SCCPDH: variants seen among roughly 807,000 people sequenced by gnomAD.
The protein encoded by SCCPDH is saccharopine dehydrogenase-like oxidoreductase.
In SCCPDH, 34 loss-of-function variants were observed where a neutral mutation model predicts 51.5. That is an observed-to-expected ratio of 0.66 (90% CI 0.50 to 0.88). The LOEUF (loss-of-function observed/expected upper bound fraction) is 0.88. SCCPDH is among the 40% of genes least tolerant of loss of function. SCCPDH has a pLI of 0.00. For synonymous variants in SCCPDH, 187 were observed against 191.3 expected, an observed-to-expected ratio of 0.98 and a Z score of 0.19; for missense variants, 464 against 527.1, an observed-to-expected ratio of 0.88 and a Z score of 1.17.
At chr1:246,731,127 G>T (rs1668484466) in intron 2 of SCCPDH, among the ~76,000 whole-genome samples, 1 of 152,134 alleles carries the variant, frequency 6.6e-6, no homozygotes, top group South Asian at 2.1e-4. Flanking sequence ...GAGCCAATTG[G>T]CCTCACAGGG....
chr1:246,735,008 A>G (rs886256061), intron 2 of SCCPDH, among the ~76,000 whole-genome samples: 1 of 152,100 alleles, frequency 6.6e-6, no homozygotes, highest in Non-Finnish European at 1.5e-5. Flanking sequence ...TTTAATTTTG[A>G]CCAATAATAC....
chr1:246,742,713 A>G (rs1306599491), intron 4 of SCCPDH, among the ~76,000 whole-genome samples: 1 of 152,162 alleles, frequency 6.6e-6, no homozygotes, highest in Non-Finnish European at 1.5e-5. Flanking sequence ...GTAAGGCCCC[A>G]TGTTTTAATT....
chr1:246,727,122 T>C, intron 2 of SCCPDH, 118 bp downstream of exon 2: 1 of 777,538 alleles, frequency 1.3e-6, no homozygotes. Flanking sequence ...TAACCCCATA[T>C]GGGGAGTTTT....
chr1:246,733,042 A>G (rs1161840743), intron 2 of SCCPDH, among the ~76,000 whole-genome samples: 1 of 152,188 alleles, frequency 6.6e-6, no homozygotes, highest in Non-Finnish European at 1.5e-5. Context: ...GAAAGATGTT[A>G]GAAGTGGGAC....
intron 2 of SCCPDH, among the ~76,000 whole-genome samples, chr1:246,735,274 C>G (rs1668548519): frequency 6.6e-6 from 1 of 152,210 alleles, no homozygotes; most frequent in Non-Finnish European, 1.5e-5. Flanking sequence ...ACTTCCTACT[C>G]AAGTGAATTT....
intron 2 of SCCPDH, among the ~76,000 whole-genome samples, chr1:246,732,731 A>G (rs1471955548): frequency 1.3e-5 from 2 of 152,178 alleles, no homozygotes; most frequent in Non-Finnish European, 2.9e-5. Flanking sequence ...GAGTAATGCC[A>G]TTAAATAAAA....
At chr1:246,759,193 A>C (rs1386360493) in intron 7 of SCCPDH, 42 bp downstream of exon 7, 1 of 1,063,948 alleles carries the variant, frequency 9.4e-7, no homozygotes, top group Non-Finnish European at 1.5e-6. Flanking sequence ...TGTGTGTTAC[A>C]GTTCCTCTTT....
At chr1:246,730,332 A>C (rs1288095622) in intron 2 of SCCPDH, among the ~76,000 whole-genome samples, 1 of 152,148 alleles carries the variant, frequency 6.6e-6, no homozygotes, top group Non-Finnish European at 1.5e-5. Context: ...ATCTTCTCGT[A>C]GTTTTCCTCC....
In SCCPDH at chr1:246,767,862, G is replaced by A. The variant is rs1280024755; in HGVS notation, c.*562G>A. 1 of 152,228 alleles carries A rather than the reference G, an allele frequency of 6.6e-6. No homozygotes were observed. Among genetic ancestry groups the A allele is most frequent in the Admixed American group, 6.5e-5 (1 of 15,294 alleles). The allele number at this position is 152,228 out of a possible 1,614,324, so 9.4% of individuals were successfully genotyped here. On this transcript the variant is annotated 3_prime_UTR_variant, in exon 12 of 12. Coordinates refer to ENST00000366510, the MANE Select transcript of SCCPDH (RefSeq NM_016002.3). ...TGGTTTAATGTTTGGACCTGCCGAT[G>A]TATTTGTATAGTGGTAGAAACATGC...
chr1:246,764,616 A>G (rs563364834), intron 10 of SCCPDH, among the ~76,000 whole-genome samples: 1 of 152,366 alleles, frequency 6.6e-6, no homozygotes, highest in African/African-American at 2.4e-5. Context: ...TAGTATTAAT[A>G]GGAAAAGGGA....
At chr1:246,728,894 A>G (rs1341479371) in intron 2 of SCCPDH, among the ~76,000 whole-genome samples, 1 of 152,160 alleles carries the variant, frequency 6.6e-6, no homozygotes, top group Non-Finnish European at 1.5e-5. Flanking sequence ...AGCCCCCAGT[A>G]TTTCAACATA....
At chr1:246,732,523 A>G (rs933916205) in intron 2 of SCCPDH, among the ~76,000 whole-genome samples, 2 of 151,964 alleles carry the variant, frequency 1.3e-5, no homozygotes, top group Non-Finnish European at 2.9e-5. Context: ...GAGTAGCTGG[A>G]ACTACAGGCT....
chr1:246,767,249 A>G lies in SCCPDH; in HGVS notation c.1239A>G (p.Arg413=), dbSNP rs1669098707. Residue 413 remains arginine (R), a synonymous_variant, in exon 12 of 12, where the codon AGA becomes AGG. Transcript: ENST00000366510. ...AAFSKTKLID[R]LNKHGIEFSV... ...TTTCCAAAACAAAGTTGATTGACAG[A>G]CTCAACAAACACGGTATTGAGTTTA... 1 of 1,611,480 alleles carries G rather than the reference A, an allele frequency of 6.2e-7. No individual in the cohort carries two copies. The highest frequency in any genetic ancestry group is 1.1e-5 in the South Asian group (1 of 90,784).
At chr1:246,740,409 T>C (rs1668659585) in intron 4 of SCCPDH, 108 bp downstream of exon 4, 1 of 909,986 alleles carries the variant, frequency 1.1e-6, no homozygotes, top group Non-Finnish European at 1.6e-6. Context: ...AACATAGCCA[T>C]AAATGGGTAA....
chr1:246,736,394 TC>T (rs928377314), intron 3 of SCCPDH, among the ~76,000 whole-genome samples: 21 of 152,134 alleles, frequency 1.4e-4, no homozygotes, highest in African/African-American at 5.1e-4. Context: ...CATTTTGAAT[TC>T]CCTTTTAAAA....
rs143004003 is a variant in SCCPDH at position 246,744,089 on chromosome 1, T to C, written c.528T>C (p.Ala176=). ...CTACTCTTTTAGGTACTTTGACTGC[T>C]GTGGAAAGTTTCCTGACTATACATT... is the stretch of plus-strand genomic sequence containing the variant. ...TRNKMNGTLT[A]VESFLTIHSG... Residue 176 remains alanine (A), a synonymous_variant, in exon 5 of 12, where the codon GCT becomes GCC. Coordinates refer to ENST00000366510, the MANE Select transcript of SCCPDH (RefSeq NM_016002.3). The C allele has an allele frequency of 3.1e-6, 5 of 1,600,902 alleles. No homozygotes were observed. Among genetic ancestry groups the C allele is most frequent in the Non-Finnish European group, 4.3e-6 (5 of 1,169,890 alleles).
rs544693208 is a variant in SCCPDH at position 246,740,858 on chromosome 1, A to G, written c.514+557A>G. Among the ~76,000 whole-genome samples the G allele has an allele frequency of 2.0e-5, 3 of 152,258 alleles. No individual in the cohort carries two copies. The East Asian group carries it at 5.8e-4, about 29-fold the overall frequency. ...CTACTTGGGAGGTTGAGGCAGCAGGATCTCTCGAGGCCAAGAGTTCAGGAC... is the reference window on the plus strand; with the variant it reads ...CTACTTGGGAGGTTGAGGCAGCAGGGTCTCTCGAGGCCAAGAGTTCAGGAC... On this transcript the variant is annotated intron_variant, in intron 4 of 11. Coordinates refer to ENST00000366510, the MANE Select transcript of SCCPDH (RefSeq NM_016002.3).
At chr1:246,748,399 T>G (rs1444004503) in intron 5 of SCCPDH, among the ~76,000 whole-genome samples, 1 of 152,236 alleles carries the variant, frequency 6.6e-6, no homozygotes, top group African/African-American at 2.4e-5. Context: ...GCGCTCGTTG[T>G]GCTCCCAGTG....
At chr1:246,724,956 A>T (rs1159203539) in intron 1 of SCCPDH, among the ~76,000 whole-genome samples, 3 of 152,058 alleles carry the variant, frequency 2.0e-5, no homozygotes. Context: ...CCTGCCCCGC[A>T]GCGGGGGCAC....
Sources: gnomAD v4.1 joint callset for allele counts (sites outside exome capture counted in the v4.1 genomes callset) on GRCh38, gnomAD v4.1.1 for gene constraint, MANE v1.5 for transcripts, NCBI Gene and HGNC (gene_info 2026-07-23, HGNC 2026-07-21) for gene names.